TG: variants seen among roughly 807,000 people sequenced by gnomAD.
TG encodes the protein thyroid hormones.
A neutral mutation model predicts 324.7 loss-of-function variants in TG; 270 were observed. That is an observed-to-expected ratio of 0.83 (90% CI 0.75 to 0.92). The LOEUF (loss-of-function observed/expected upper bound fraction) is 0.92, where lower values mean the gene tolerates loss of function less well. TG is among the 40% of genes least tolerant of loss of function. The pLI is 0.00. For synonymous variants in TG, 1,401 were observed against 1,327.0 expected, an observed-to-expected ratio of 1.06 and a Z score of -1.21; for missense variants, 3,591 against 3,456.4, an observed-to-expected ratio of 1.04 and a Z score of -0.98.
chr8:132,971,685 A>G, intron 32 of TG, 109 bp from the exon 33 acceptor site: 1 of 788,356 alleles, frequency 1.3e-6, no homozygotes. Context: ...GTAGGGGGTA[A>G]AAAAATAAGC....
intron 22 of TG, among the ~76,000 whole-genome samples, chr8:132,924,071 C>T (rs1029913144): frequency 2.0e-5 from 3 of 151,966 alleles, no homozygotes; most frequent in African/African-American, 7.3e-5. Flanking sequence ...ATACAACTCA[C>T]CATAACGTAG....
intron 41 of TG, among the ~76,000 whole-genome samples, chr8:133,053,746 C>A (rs2131259282): frequency 2.0e-5 from 3 of 152,280 alleles, no homozygotes; most frequent in Middle Eastern, 3.4e-3. Flanking sequence ...ATTATAAAAA[C>A]CACTGTTCCA....
intron 27 of TG, among the ~76,000 whole-genome samples, chr8:132,952,189 A>C (rs371520462): frequency 6.6e-6 from 1 of 152,178 alleles, no homozygotes; most frequent in African/African-American, 2.4e-5. Flanking sequence ...ATGATGGTGG[A>C]CTCTGACTCT....
intron 35 of TG, among the ~76,000 whole-genome samples, chr8:133,006,810 AG>A (rs1432728496): frequency 6.6e-6 from 1 of 152,266 alleles, no homozygotes; most frequent in Non-Finnish European, 1.5e-5. Context: ...ATAATTTAAA[AG>A]ATGAGATGTT....
At chr8:133,045,387 C>CTTTTTTTT (rs5895172) in intron 41 of TG, among the ~76,000 whole-genome samples, 67 of 65,900 alleles carry the variant, frequency 1.0e-3, no homozygotes, top group African/African-American at 1.6e-3. Context: ...ATCCTCTTTG[C>CTTTTTTTT]TTTTTTTTTT....
chr8:133,106,199 G>C (rs1018864649), intron 43 of TG, among the ~76,000 whole-genome samples: 1 of 152,134 alleles, frequency 6.6e-6, no homozygotes, highest in Non-Finnish European at 1.5e-5. Flanking sequence ...GAGATGGAGG[G>C]CCCTCAGTCC....
In TG at chr8:132,937,305, C is replaced by T. The variant is rs555796237; in HGVS notation, c.5041+1441C>T. On this transcript the variant is annotated intron_variant, in intron 25 of 47. Transcript: ENST00000220616. ...TGCCAGGAAAATCAGCAAGTGGAGA[C>T]GATGCCACAGCCCAGGCCCAAAGCT... 5.9e-5 allele frequency among the ~76,000 whole-genome samples: 9 copies of T among 152,252 alleles called. No individual in the cohort carries two copies. In the East Asian group the frequency reaches 1.2e-3, roughly 20 times the overall value.
intron 41 of TG, chr8:133,049,572 C>T (rs1488479638): frequency 9.2e-6 from 3 of 327,148 alleles, no homozygotes; most frequent in Non-Finnish European, 1.8e-5. Context: ...GGATTTGAAC[C>T]TAGACACACT....
At chr8:132,904,152 A>T (rs2132310239) in intron 16 of TG, among the ~76,000 whole-genome samples, 1 of 152,286 alleles carries the variant, frequency 6.6e-6, no homozygotes, top group South Asian at 2.1e-4. Context: ...CATCTGCAGG[A>T]CGTGGCTGAT....
chr8:132,999,163 G>A (rs11782282), intron 35 of TG, among the ~76,000 whole-genome samples: 48,891 of 151,890 alleles, frequency 0.32, 8,084 homozygotes, highest in Non-Finnish European at 0.35. Context: ...GTGCAACAAC[G>A]TGAGTTGGTT....
At chr8:132,884,906 G>C (rs1390469557) in intron 8 of TG, among the ~76,000 whole-genome samples, 1 of 152,230 alleles carries the variant, frequency 6.6e-6, no homozygotes, top group African/African-American at 2.4e-5. Context: ...TTTGGAAGAA[G>C]ACTAAGCAAA....
At chr8:132,972,271 C>T (rs1587637763) in intron 33 of TG, 1 of 469,366 alleles carries the variant, frequency 2.1e-6, no homozygotes, top group East Asian at 4.2e-5. Flanking sequence ...CTGTTTCCTC[C>T]TCATCTGTAT....
At chr8:133,006,419 A>C (rs1834018094) in intron 35 of TG, among the ~76,000 whole-genome samples, 1 of 152,220 alleles carries the variant, frequency 6.6e-6, no homozygotes. Context: ...CACATTTCTC[A>C]AGAGAATCTG....
chr8:133,067,776 T>TAGAA (rs1266727359), intron 41 of TG, among the ~76,000 whole-genome samples: 1 of 140,916 alleles, frequency 7.1e-6, no homozygotes, highest in African/African-American at 2.7e-5. Flanking sequence ...AGACTCCATC[T>TAGAA]AGAAAGAAAG....
chr8:133,052,165 G>A (rs750732359), intron 41 of TG, among the ~76,000 whole-genome samples: 26 of 152,214 alleles, frequency 1.7e-4, no homozygotes, highest in Admixed American at 3.3e-4. Context: ...TGCAGCCTCC[G>A]AGTCATAAGC....
At chr8:132,891,954 C>T (rs1218431372) in intron 10 of TG, among the ~76,000 whole-genome samples, 1 of 152,196 alleles carries the variant, frequency 6.6e-6, no homozygotes, top group Non-Finnish European at 1.5e-5. Context: ...CCAAGGACAG[C>T]ATGTGCCAGA....
chr8:132,980,945 G>A (rs1165673345), intron 34 of TG, among the ~76,000 whole-genome samples: 1 of 152,146 alleles, frequency 6.6e-6, no homozygotes, highest in African/African-American at 2.4e-5. Context: ...ATAACTGCAT[G>A]CCAAATGCTA....
intron 41 of TG, among the ~76,000 whole-genome samples, chr8:133,093,815 T>A (rs996995571): frequency 6.6e-6 from 1 of 152,270 alleles, no homozygotes; most frequent in African/African-American, 2.4e-5. Flanking sequence ...TGGGGTCAGA[T>A]CCCAGCCCTG....
At chr8:132,954,969 A>G (rs575952774) in intron 27 of TG, among the ~76,000 whole-genome samples, 24 of 152,322 alleles carry the variant, frequency 1.6e-4, no homozygotes, top group African/African-American at 5.1e-4. Context: ...AGGGAAACAC[A>G]TGGCCTCCTG....
Sources: allele counts gnomAD v4.1 joint callset (sites outside exome capture counted in the v4.1 genomes callset), GRCh38; gene constraint gnomAD v4.1.1; transcripts MANE v1.5; gene names NCBI Gene and HGNC (gene_info 2026-07-23, HGNC 2026-07-21).